Variants in PCCA observed in about 807,000 individuals in gnomAD.
The protein encoded by PCCA is propionyl-CoA carboxylase subunit alpha.
Under a neutral mutation model 101.3 loss-of-function variants are expected in PCCA, and 74 were observed. The observed-to-expected ratio is 0.73, with a 90% CI of 0.61 to 0.89. PCCA has a LOEUF of 0.89. Ranked by LOEUF, PCCA falls within the 40% of genes least tolerant of loss-of-function variation. The pLI, the probability that PCCA is intolerant of heterozygous loss-of-function variation, is 0.00. For synonymous variants in PCCA, 294 were observed against 313.6 expected, an observed-to-expected ratio of 0.94 and a Z score of 0.66; for missense variants, 891 against 907.0, an observed-to-expected ratio of 0.98 and a Z score of 0.23.
intron 19 of PCCA, among the ~76,000 whole-genome samples, chr13:100,404,232 A>G (rs1176837080): frequency 2.0e-5 from 3 of 152,204 alleles, no homozygotes; most frequent in South Asian, 2.1e-4. Flanking sequence ...GCCTTTTACC[A>G]GTTTGCACAG....
intron 19 of PCCA, among the ~76,000 whole-genome samples, chr13:100,387,958 T>C (rs2076604267): frequency 1.3e-5 from 2 of 152,236 alleles, no homozygotes; most frequent in East Asian, 3.8e-4. Flanking sequence ...TTGGTTGTTA[T>C]ATTACAGTTG....
chr13:100,217,133 G>C (rs2059567064), intron 7 of PCCA, among the ~76,000 whole-genome samples: 1 of 149,558 alleles, frequency 6.7e-6, no homozygotes, highest in Admixed American at 6.7e-5. Flanking sequence ...TTTCACAAGA[G>C]AATTTGAATC....
chr13:100,209,670 C>T (rs1222578283), intron 7 of PCCA, among the ~76,000 whole-genome samples: 6 of 152,020 alleles, frequency 3.9e-5, no homozygotes, highest in East Asian at 1.9e-4. Context: ...TTGCTCTTGT[C>T]GCCCAGGCTG....
chr13:100,511,637 G>T (rs1393482809), intron 21 of PCCA, among the ~76,000 whole-genome samples: 1 of 152,202 alleles, frequency 6.6e-6, no homozygotes, highest in Non-Finnish European at 1.5e-5. Flanking sequence ...GTTACTGGAA[G>T]AATGACTTAT....
In PCCA at chr13:100,329,157, A is replaced by G. The variant is rs189085109; in HGVS notation, c.1430-1404A>G. ...TTAAATAAATATGGTTATGTTATAC[A>G]TCATTTTAATGTACATTTCTCGCTT... On this transcript the variant is annotated intron_variant, in intron 16 of 23. Coordinates refer to ENST00000376285, the MANE Select transcript of PCCA (RefSeq NM_000282.4). Among the ~76,000 whole-genome samples the G allele has an allele frequency of 7.8e-3, 1,184 of 152,276 alleles. 9 individuals carry two copies. The highest frequency in any genetic ancestry group is 0.014 in the Non-Finnish European group (962 of 68,016).
intron 19 of PCCA, among the ~76,000 whole-genome samples, chr13:100,401,418 A>G (rs984269219): frequency 2.0e-5 from 3 of 151,656 alleles, no homozygotes; most frequent in African/African-American, 7.3e-5. Flanking sequence ...TAATTTTTGT[A>G]TTTTTAGTAG....
intron 21 of PCCA, chr13:100,490,822 A>G (rs984892495): frequency 6.6e-6 from 1 of 152,254 alleles, no homozygotes; most frequent in Non-Finnish European, 1.5e-5. Context: ...TGTTACTGTC[A>G]TTCTCTGTTT....
At chr13:100,181,453 C>T (rs1022004579) in intron 6 of PCCA, among the ~76,000 whole-genome samples, 10 of 152,082 alleles carry the variant, frequency 6.6e-5, no homozygotes, top group Admixed American at 2.0e-4. Flanking sequence ...GTTGCTCTGC[C>T]GCCTAGCCGG....
chr13:100,385,620 TTTTA>T (rs1455755280), intron 19 of PCCA, among the ~76,000 whole-genome samples: 4 of 152,170 alleles, frequency 2.6e-5, no homozygotes, highest in East Asian at 1.9e-4. Context: ...TTTGTTTTGA[TTTTA>T]TTTATTTATT....
At chr13:100,454,793 TA>T (rs2081589154) in intron 21 of PCCA, among the ~76,000 whole-genome samples, 1 of 152,204 alleles carries the variant, frequency 6.6e-6, no homozygotes, top group Non-Finnish European at 1.5e-5. Flanking sequence ...AATACAAACT[TA>T]AAAATAATTC....
intron 21 of PCCA, among the ~76,000 whole-genome samples, chr13:100,483,234 AC>A (rs1170372245): frequency 6.6e-6 from 1 of 152,110 alleles, no homozygotes; most frequent in Non-Finnish European, 1.5e-5. Context: ...TCTATTAGGA[AC>A]AAAAGTGAGC....
chr13:100,254,167 A>G (rs2061932025), intron 8 of PCCA, among the ~76,000 whole-genome samples: 2 of 152,078 alleles, frequency 1.3e-5, no homozygotes, highest in Middle Eastern at 3.4e-3. Context: ...ATCAGATCTC[A>G]TGAGAACTCA....
At chr13:100,248,661 G>A (rs977737678) in intron 8 of PCCA, among the ~76,000 whole-genome samples, 1 of 152,090 alleles carries the variant, frequency 6.6e-6, no homozygotes, top group Non-Finnish European at 1.5e-5. Context: ...TCCTGGTTGA[G>A]TTTTAAGAGC....
chr13:100,318,365 T>G (rs549661238), intron 16 of PCCA, among the ~76,000 whole-genome samples: 2 of 152,096 alleles, frequency 1.3e-5, no homozygotes, highest in Admixed American at 1.3e-4. Flanking sequence ...TAATTATACT[T>G]TAAGTTCTAA....
intron 22 of PCCA, among the ~76,000 whole-genome samples, chr13:100,517,439 T>A (rs1724135250): frequency 6.6e-6 from 1 of 152,210 alleles, no homozygotes. Context: ...CAATGTGATA[T>A]CAGTCCTTGG....
intron 6 of PCCA, among the ~76,000 whole-genome samples, chr13:100,163,107 G>A (rs566246614): frequency 6.6e-6 from 1 of 152,288 alleles, no homozygotes; most frequent in African/African-American, 2.4e-5. Flanking sequence ...TTTACAGTTA[G>A]GGAGTCTTTT....
At chr13:100,288,836 CTG>C in intron 12 of PCCA, among the ~76,000 whole-genome samples, 1 of 151,748 alleles carries the variant, frequency 6.6e-6, no homozygotes, top group East Asian at 1.9e-4. Flanking sequence ...CTTTTTCCCT[CTG>C]TGTGTCTGTC....
At chr13:100,096,162 A>G (rs2046756174) in intron 1 of PCCA, among the ~76,000 whole-genome samples, 1 of 151,708 alleles carries the variant, frequency 6.6e-6, no homozygotes, top group Non-Finnish European at 1.5e-5. Flanking sequence ...TGTTGTTTTT[A>G]CAGATTGAGG....
At chr13:100,446,500 G>C (rs1043049005) in intron 20 of PCCA, among the ~76,000 whole-genome samples, 1 of 152,078 alleles carries the variant, frequency 6.6e-6, no homozygotes, top group East Asian at 1.9e-4. Context: ...CAATAATTCT[G>C]CTGTCTTTTC....
Sources: allele counts gnomAD v4.1 joint callset (sites outside exome capture counted in the v4.1 genomes callset), GRCh38; gene constraint gnomAD v4.1.1; transcripts MANE v1.5; gene names NCBI Gene and HGNC (gene_info 2026-07-23, HGNC 2026-07-21).